RIMBP2: variants seen among roughly 807,000 people sequenced by gnomAD.
RIMBP2 encodes RIMS binding protein 2, also known as RIMS-binding protein 2.
RIMBP2 carries 48 observed loss-of-function variants against 118.6 expected under a neutral mutation model. The ratio of observed to expected loss-of-function variants is 0.40; its 90% CI spans 0.32 to 0.51. The LOEUF (loss-of-function observed/expected upper bound fraction) is 0.51. Among genes scored for constraint, RIMBP2 ranks in the 20% least tolerant of loss-of-function variants. The pLI, the probability that RIMBP2 is intolerant of heterozygous loss-of-function variation, is 0.41. For missense variants in RIMBP2, 1,551 were observed against 1,768.3 expected (o/e 0.88, Z 2.20); for synonymous variants, 762 against 742.9 (o/e 1.03, Z -0.42).
intron 11 of RIMBP2, 92 bp downstream of exon 11, chr12:130,441,756 T>C: frequency 8.7e-7 from 1 of 1,143,078 alleles, no homozygotes. Flanking sequence ...TGGGGATTCC[T>C]GCTTCTGCCT....
Position 130,620,790 on chromosome 12 carries a change from C to T in RIMBP2, c.-217+7532G>A, listed in dbSNP as rs550027806. 2.1e-3 allele frequency among the ~76,000 whole-genome samples: 327 copies of T among 152,314 alleles called. 1 individual carries two copies. The highest frequency in any genetic ancestry group is 3.6e-3 in the Non-Finnish European group (248 of 68,036). ...AAGTTGGTCACCTCTATAAAGACCT[C>T]GTCTCCAAGTAAGATCACATTTTGA... On this transcript the variant is annotated intron_variant, in intron 2 of 22. Transcript: ENST00000690449. This position sits in a 1 kb window ranked among gnomAD's most constrained non-coding sequence, Gnocchi z 5.3.
At chr12:130,513,407 G>A (rs1271040497) in intron 3 of RIMBP2, among the ~76,000 whole-genome samples, 3 of 152,158 alleles carry the variant, frequency 2.0e-5, no homozygotes, top group Non-Finnish European at 4.4e-5. Context: ...TGGCAGCAAC[G>A]GTGGCACCAG....
intron 1 of RIMBP2, among the ~76,000 whole-genome samples, chr12:130,702,596 G>GAGGA (rs1212865137): frequency 6.8e-6 from 1 of 147,896 alleles, no homozygotes; most frequent in Admixed American, 6.8e-5. Context: ...AGAAGGGAGG[G>GAGGA]AGGAAGGAAG....
intron 1 of RIMBP2, among the ~76,000 whole-genome samples, chr12:130,690,655 T>C (rs367942859): frequency 5.2e-4 from 79 of 152,306 alleles, no homozygotes; most frequent in African/African-American, 1.7e-3. Context: ...TATTTTAGCA[T>C]AATCTTTAGG....
At chr12:130,486,440 C>T (rs1370749105) in intron 4 of RIMBP2, among the ~76,000 whole-genome samples, 1 of 152,072 alleles carries the variant, frequency 6.6e-6, no homozygotes, top group African/African-American at 2.4e-5. Flanking sequence ...CACATAATTC[C>T]AAATGAACCC....
chr12:130,587,683 GT>G (rs2058991813), intron 2 of RIMBP2, among the ~76,000 whole-genome samples: 1 of 76,022 alleles, frequency 1.3e-5, no homozygotes, highest in African/African-American at 5.9e-5. Flanking sequence ...CTGTGGTGGG[GT>G]GGGGGGAGGG....
intron 1 of RIMBP2, among the ~76,000 whole-genome samples, chr12:130,676,598 G>A (rs1292534551): frequency 6.6e-6 from 1 of 151,858 alleles, no homozygotes; most frequent in Non-Finnish European, 1.5e-5. Context: ...ACTCCAGCCT[G>A]GGTGACAGAG....
At chr12:130,596,367 C>T (rs758894979) in intron 2 of RIMBP2, among the ~76,000 whole-genome samples, 1 of 152,122 alleles carries the variant, frequency 6.6e-6, no homozygotes, top group Non-Finnish European at 1.5e-5. Flanking sequence ...GAAAGGGGCA[C>T]TATGACCCAC....
chr12:130,572,035 T>C (rs946275061), intron 2 of RIMBP2, among the ~76,000 whole-genome samples: 1 of 152,232 alleles, frequency 6.6e-6, no homozygotes, highest in Admixed American at 6.5e-5. Flanking sequence ...ATGCCAGCCT[T>C]AGCCATTGGT....
intron 1 of RIMBP2, among the ~76,000 whole-genome samples, chr12:130,697,606 A>G (rs1241254280): frequency 6.6e-6 from 1 of 152,178 alleles, no homozygotes; most frequent in Non-Finnish European, 1.5e-5. Context: ...AATATTCTGC[A>G]ATTGTCCTTG....
intron 6 of RIMBP2, among the ~76,000 whole-genome samples, chr12:130,468,303 C>A (rs1452770774): frequency 6.6e-6 from 1 of 152,208 alleles, no homozygotes; most frequent in African/African-American, 2.4e-5. Flanking sequence ...GCTTCTCAGA[C>A]CTCAGTGGCA....
At chr12:130,438,962 T>C (rs899133561) in intron 11 of RIMBP2, among the ~76,000 whole-genome samples, 1 of 151,374 alleles carries the variant, frequency 6.6e-6, no homozygotes, top group Non-Finnish European at 1.5e-5. Flanking sequence ...AATCCCCTCA[T>C]CCCCCCGCCC....
At chr12:130,666,014 A>G (rs1272195138) in intron 1 of RIMBP2, among the ~76,000 whole-genome samples, 2 of 152,144 alleles carry the variant, frequency 1.3e-5, no homozygotes, top group African/African-American at 4.8e-5. Context: ...AGCAACTTGT[A>G]GATAAGAGAG....
intron 17 of RIMBP2, among the ~76,000 whole-genome samples, chr12:130,418,643 T>C (rs954354936): frequency 1.3e-5 from 2 of 152,160 alleles, no homozygotes; most frequent in Non-Finnish European, 2.9e-5. Flanking sequence ...TGTGGCAAGT[T>C]TGTGGCATCA....
intron 6 of RIMBP2, 134 bp from the exon 7 acceptor site, chr12:130,456,834 A>C: frequency 1.5e-6 from 1 of 645,262 alleles, no homozygotes; most frequent in Non-Finnish European, 2.6e-6. Flanking sequence ...TGTGTCTGTG[A>C]AAATGCATGT....
chr12:130,659,145 A>C (rs1269535592), intron 1 of RIMBP2, among the ~76,000 whole-genome samples: 2 of 152,222 alleles, frequency 1.3e-5, no homozygotes, highest in Non-Finnish European at 2.9e-5. Context: ...CGTGTCAGCC[A>C]CCTGCATAAC....
chr12:130,630,939 C>T lies in RIMBP2; in HGVS notation c.-351-2483G>A, dbSNP rs77850195. Among the ~76,000 whole-genome samples the T allele has an allele frequency of 9.4e-3, 1,432 of 151,890 alleles. 17 individuals carry two copies. The highest frequency in any genetic ancestry group is 0.033 in the African/African-American group (1,359 of 41,406). ...TAGGAAATGACTGGAAGCTGTGCTGCAGCAAAACAAGTGGGGAAAAAAAAA... is the reference window on the plus strand; with the variant it reads ...TAGGAAATGACTGGAAGCTGTGCTGTAGCAAAACAAGTGGGGAAAAAAAAA... On this transcript the variant is annotated intron_variant, in intron 1 of 22. Transcript: ENST00000690449.
At position 130,621,027 on chromosome 12, in the gene RIMBP2, G is replaced by C. The variant is rs192121066; in HGVS notation, c.-217+7295C>G. ...ACCTGCCTTGAGATCTGGCTGAATG[G>C]GGAGGCCTGAAAATATGCACACACC... is the stretch of plus-strand genomic sequence containing the variant. On this transcript the variant is annotated intron_variant, in intron 2 of 22. Transcript: ENST00000690449. The surrounding 1 kb of genome is among the most constrained non-coding windows in gnomAD (Gnocchi z 6.6). Among the ~76,000 whole-genome samples the C allele has an allele frequency of 6.6e-6, 1 of 152,166 alleles. No homozygotes were observed. The highest frequency in any genetic ancestry group is 1.5e-5 in the Non-Finnish European group (1 of 68,032).
intron 2 of RIMBP2, among the ~76,000 whole-genome samples, chr12:130,538,566 C>T (rs761024764): frequency 6.6e-5 from 10 of 152,196 alleles, no homozygotes; most frequent in South Asian, 6.2e-4. Context: ...TCAAGAAAAG[C>T]CTCCCTCCCC....
Sources: allele counts gnomAD v4.1 joint callset (sites outside exome capture counted in the v4.1 genomes callset), GRCh38; gene constraint gnomAD v4.1.1; non-coding constraint Gnocchi (gnomAD v3.1); transcripts MANE v1.5; gene names NCBI Gene and HGNC (gene_info 2026-07-23, HGNC 2026-07-21).